ZCCHC7: variants seen among roughly 807,000 people sequenced by gnomAD.
ZCCHC7 encodes zinc finger CCHC-type containing 7.
A neutral mutation model predicts 52.0 loss-of-function variants in ZCCHC7; 35 were observed. The observed-to-expected ratio is 0.67, with a 90% CI of 0.51 to 0.89. ZCCHC7 has a LOEUF of 0.89. Ranked by LOEUF, ZCCHC7 falls within the 40% of genes least tolerant of loss-of-function variation. The pLI, the probability that ZCCHC7 is intolerant of heterozygous loss-of-function variation, is 0.00. For missense variants in ZCCHC7, 574 were observed against 649.1 expected (o/e 0.88, Z 1.26); for synonymous variants, 217 against 221.5 (o/e 0.98, Z 0.18).
In ZCCHC7 at chr9:37,126,300, T is replaced by G. The variant is rs761180847; in HGVS notation, c.-21-12T>G. Reference sequence around the variant, plus strand: ...TTAAAGTATATTCTGTGTACAACTTTCTCTTTTGCAGCTTCAAGGTTACTG... The same window carrying G: ...TTAAAGTATATTCTGTGTACAACTTGCTCTTTTGCAGCTTCAAGGTTACTG... On this transcript the variant is annotated splice_polypyrimidine_tract_variant and intron_variant, in intron 1 of 8. Transcript: ENST00000336755. The G allele has an allele frequency of 1.2e-5, 19 of 1,585,464 alleles. No individual in the cohort carries two copies. The highest frequency in any genetic ancestry group is 3.4e-6 in the Non-Finnish European group (4 of 1,168,016).
chr9:37,204,632 T>C (rs1168857350), intron 2 of ZCCHC7, among the ~76,000 whole-genome samples: 2 of 152,212 alleles, frequency 1.3e-5, no homozygotes, highest in Non-Finnish European at 2.9e-5. Flanking sequence ...TGTGGTCTTA[T>C]TTCTGAGGTC....
intron 2 of ZCCHC7, among the ~76,000 whole-genome samples, chr9:37,131,934 A>G (rs901546309): frequency 2.6e-5 from 4 of 152,236 alleles, no homozygotes; most frequent in Non-Finnish European, 5.9e-5. Flanking sequence ...TGCCTATTAC[A>G]TATGACTTTC....
chr9:37,183,452 T>C (rs1822478010), intron 2 of ZCCHC7, among the ~76,000 whole-genome samples: 1 of 152,208 alleles, frequency 6.6e-6, no homozygotes, highest in Non-Finnish European at 1.5e-5. Context: ...TTCAGTTATA[T>C]TTTAGAACCA....
intron 7 of ZCCHC7, among the ~76,000 whole-genome samples, chr9:37,352,090 C>T (rs1221862098): frequency 1.3e-5 from 2 of 152,114 alleles, no homozygotes; most frequent in Non-Finnish European, 2.9e-5. Context: ...AGGGGACCAG[C>T]GATGTGGATA....
chr9:37,198,180 A>G (rs562250299), intron 2 of ZCCHC7, among the ~76,000 whole-genome samples: 3 of 151,966 alleles, frequency 2.0e-5, no homozygotes, highest in South Asian at 2.1e-4. Context: ...TTTTCATTTT[A>G]TTTCATCATT....
intron 6 of ZCCHC7, among the ~76,000 whole-genome samples, chr9:37,335,661 C>G (rs1830617793): frequency 6.6e-6 from 1 of 152,096 alleles, no homozygotes; most frequent in Non-Finnish European, 1.5e-5. Flanking sequence ...GTCTTCTGCC[C>G]AACATTAGGA....
At chr9:37,285,012 T>A (rs988268171) in intron 2 of ZCCHC7, among the ~76,000 whole-genome samples, 2 of 152,220 alleles carry the variant, frequency 1.3e-5, no homozygotes, top group African/African-American at 4.8e-5. Flanking sequence ...AAAAAGTTTC[T>A]TAAGTGTTTC....
intron 2 of ZCCHC7, among the ~76,000 whole-genome samples, chr9:37,206,983 G>C (rs1045153634): frequency 1.3e-5 from 2 of 151,864 alleles, no homozygotes; most frequent in African/African-American, 4.8e-5. Flanking sequence ...AAAAATCGTT[G>C]GTCATGGTGG....
At chr9:37,161,479 G>A (rs1266952771) in intron 2 of ZCCHC7, among the ~76,000 whole-genome samples, 2 of 152,096 alleles carry the variant, frequency 1.3e-5, no homozygotes, top group Non-Finnish European at 2.9e-5. Context: ...GGAGGCTGAG[G>A]CAGGAGAAGG....
chr9:37,166,481 A>G (rs145818953), intron 2 of ZCCHC7, among the ~76,000 whole-genome samples: 198 of 152,264 alleles, frequency 1.3e-3, no homozygotes, highest in Middle Eastern at 3.4e-3. Context: ...TGAGATTAGT[A>G]AATTTTAATG....
chr9:37,195,558 A>G (rs1047785430), intron 2 of ZCCHC7, among the ~76,000 whole-genome samples: 1 of 152,188 alleles, frequency 6.6e-6, no homozygotes, highest in Non-Finnish European at 1.5e-5. Context: ...GAAATGTGGC[A>G]TGGAAAAGGA....
At chr9:37,239,967 A>G (rs2133352486) in intron 2 of ZCCHC7, among the ~76,000 whole-genome samples, 1 of 152,224 alleles carries the variant, frequency 6.6e-6, no homozygotes, top group South Asian at 2.1e-4. Context: ...CATTAAAATA[A>G]AAAGGAAAAT....
chr9:37,296,878 A>C (rs1332122157), intron 2 of ZCCHC7, among the ~76,000 whole-genome samples: 1 of 62,670 alleles, frequency 1.6e-5, no homozygotes, highest in Admixed American at 1.9e-4. Context: ...ATACCTGGCT[A>C]GTTTGTGTGT....
intron 2 of ZCCHC7, among the ~76,000 whole-genome samples, chr9:37,292,237 T>C (rs1015219372): frequency 2.0e-5 from 3 of 152,186 alleles, no homozygotes; most frequent in African/African-American, 4.8e-5. Context: ...ACTTAGTTTA[T>C]TAAAAGGTCC....
chr9:37,171,617 G>A (rs1388616124), intron 2 of ZCCHC7, among the ~76,000 whole-genome samples: 1 of 151,826 alleles, frequency 6.6e-6, no homozygotes, highest in African/African-American at 2.4e-5. Flanking sequence ...ATGGTGTCTT[G>A]TCATCTTGCT....
intron 3 of ZCCHC7, among the ~76,000 whole-genome samples, chr9:37,303,546 TAAAA>T (rs199509424): frequency 7.1e-6 from 1 of 140,100 alleles, no homozygotes; most frequent in Non-Finnish European, 1.5e-5. Flanking sequence ...AGAGAAAGAT[TAAAA>T]AAAAAAAATC....
intron 2 of ZCCHC7, among the ~76,000 whole-genome samples, chr9:37,261,710 A>G (rs1826874550): frequency 6.6e-6 from 1 of 152,234 alleles, no homozygotes; most frequent in Non-Finnish European, 1.5e-5. Flanking sequence ...TGAAAAACTC[A>G]CAAGGAAGTG....
chr9:37,164,486 TAGATAGATAGATAGAC>T (rs1194685906), intron 2 of ZCCHC7, among the ~76,000 whole-genome samples: 32 of 144,192 alleles, frequency 2.2e-4, no homozygotes, highest in African/African-American at 7.0e-4. Flanking sequence ...GATAGATAGA[TAGATAGATAGATAGAC>T]AGACAAGATA....
chr9:37,278,545 CAGA>C (rs1222475372), intron 2 of ZCCHC7, among the ~76,000 whole-genome samples: 2 of 151,870 alleles, frequency 1.3e-5, no homozygotes, highest in African/African-American at 4.8e-5. Flanking sequence ...ATTGGAGTCC[CAGA>C]AGAAGAGAAG....
Sources: gnomAD v4.1 joint callset for allele counts (sites outside exome capture counted in the v4.1 genomes callset) on GRCh38, gnomAD v4.1.1 for gene constraint, MANE v1.5 for transcripts, NCBI Gene and HGNC (gene_info 2026-07-23, HGNC 2026-07-21) for gene names.